ZBTB46: variants seen among roughly 807,000 people sequenced by gnomAD.
The protein encoded by ZBTB46 is zinc finger and BTB domain-containing protein 46.
A neutral mutation model predicts 44.1 loss-of-function variants in ZBTB46; 8 were observed. The observed-to-expected ratio is 0.18, with a 90% CI of 0.11 to 0.33. The LOEUF (loss-of-function observed/expected upper bound fraction) is 0.33. ZBTB46 is among the 10% of genes least tolerant of loss of function. ZBTB46 has a pLI of 1.00. For missense variants in ZBTB46, 651 were observed against 847.7 expected (o/e 0.77, Z 2.88); for synonymous variants, 409 against 382.3 (o/e 1.07, Z -0.81).
chr20:63,756,475 GTTCT>G lies in ZBTB46; in HGVS notation c.1223-3618_1223-3615del, dbSNP rs752611989. Among the ~76,000 whole-genome samples the G allele has an allele frequency of 4.6e-5, 7 of 152,302 alleles. 2 individuals carry two copies. The stretch of plus-strand genomic sequence containing the variant: ...TCCGAAAGGGATCCAAACATCAACT[GTTCT>G]TTGTTTTTTTGTTTACAAATGTATT... On this transcript the variant is annotated intron_variant, in intron 3 of 4. Transcript: ENST00000245663.
At chr20:63,793,953 G>A (rs1158257566) in intron 1 of ZBTB46, among the ~76,000 whole-genome samples, 5 of 152,240 alleles carry the variant, frequency 3.3e-5, no homozygotes, top group South Asian at 2.1e-4. Context: ...TTGGGAGGCC[G>A]AGGCGGGTGG....
At chr20:63,813,089 C>T (rs533128033) in intron 1 of ZBTB46, among the ~76,000 whole-genome samples, 8 of 148,478 alleles carry the variant, frequency 5.4e-5, no homozygotes, top group South Asian at 2.1e-4. Context: ...AGTGAGACTC[C>T]GTCTCAAAAA....
rs553656955 is a variant in ZBTB46, at chr20:63,773,583, A to G, written c.1222+2095T>C. 2.1e-3 allele frequency among the ~76,000 whole-genome samples: 318 copies of G among 152,186 alleles called. 1 individual carries two copies. Among genetic ancestry groups the G allele is most frequent in the African/African-American group, 7.4e-3 (308 of 41,520 alleles). Reference sequence around the variant, plus strand: ...AAACAGCACCCAAGCCCCTCATGTGAAAAGGCGCTCGGAGGGGAGGGTAGT... The same window carrying G: ...AAACAGCACCCAAGCCCCTCATGTGGAAAGGCGCTCGGAGGGGAGGGTAGT... On this transcript the variant is annotated intron_variant, in intron 3 of 4. Coordinates refer to ENST00000245663, the MANE Select transcript of ZBTB46 (RefSeq NM_001369741.1).
chr20:63,816,883 T>A (rs2092761883), intron 1 of ZBTB46, among the ~76,000 whole-genome samples: 1 of 152,038 alleles, frequency 6.6e-6, no homozygotes, highest in Non-Finnish European at 1.5e-5. Flanking sequence ...GGCGGGCAGA[T>A]CATCTGAGGT....
At chr20:63,769,836 G>C (rs148658924) in intron 3 of ZBTB46, among the ~76,000 whole-genome samples, 1 of 152,152 alleles carries the variant, frequency 6.6e-6, no homozygotes, top group Non-Finnish European at 1.5e-5. Context: ...ATACCACAGG[G>C]AAACAGTCTT....
At chr20:63,768,265 A>C in intron 3 of ZBTB46, 1 of 517,850 alleles carries the variant, frequency 1.9e-6, no homozygotes, top group Non-Finnish European at 2.5e-6. Context: ...CAAAATCCAA[A>C]ATGTGTGGTT....
chr20:63,823,281 G>A (rs1034165289), intron 1 of ZBTB46, among the ~76,000 whole-genome samples: 7 of 152,096 alleles, frequency 4.6e-5, no homozygotes, highest in Non-Finnish European at 8.8e-5. Flanking sequence ...GTGCACTCGC[G>A]CTCAGGAGTT....
chr20:63,780,718 T>C (rs73622892), intron 2 of ZBTB46, among the ~76,000 whole-genome samples: 3 of 146,618 alleles, frequency 2.0e-5, no homozygotes, highest in Non-Finnish European at 3.0e-5. Flanking sequence ...AGGAGAATGG[T>C]GTGAACCCAG....
At chr20:63,766,012 G>T (rs1426775844) in intron 3 of ZBTB46, among the ~76,000 whole-genome samples, 1 of 151,974 alleles carries the variant, frequency 6.6e-6, no homozygotes, top group East Asian at 1.9e-4. Context: ...CCCACCTGCT[G>T]CCCACCCTGG....
chr20:63,801,075 T>C (rs1215417725), intron 1 of ZBTB46, among the ~76,000 whole-genome samples: 2 of 152,224 alleles, frequency 1.3e-5, no homozygotes, highest in Non-Finnish European at 2.9e-5. Flanking sequence ...TGTGTCTAGC[T>C]CAAGGTTTGT....
chr20:63,752,926 C>A lies in ZBTB46; in HGVS notation c.1223-65G>T, dbSNP rs986317867. 6.7e-5 allele frequency: 101 copies of A among 1,513,462 alleles called. 1 individual carries two copies. The Admixed American group carries it at 1.8e-3, about 28-fold the overall frequency. The allele number at this position is 1,513,462 out of a possible 1,614,324, so 93.8% of individuals were successfully genotyped here. On this transcript the variant is annotated intron_variant, in intron 3 of 4. Coordinates refer to ENST00000245663, the MANE Select transcript of ZBTB46 (RefSeq NM_001369741.1). This position sits in a 1 kb window ranked among gnomAD's most constrained non-coding sequence, Gnocchi z 5.6. ...GATGTACCGCCCTGCGGCCCACAGACCACGGCTGCACGCCGCAGCCCAGCA... is the reference window on the plus strand; with the variant it reads ...GATGTACCGCCCTGCGGCCCACAGAACACGGCTGCACGCCGCAGCCCAGCA...
chr20:63,797,061 G>C (rs2092609279), intron 1 of ZBTB46, among the ~76,000 whole-genome samples: 1 of 152,036 alleles, frequency 6.6e-6, no homozygotes, highest in Non-Finnish European at 1.5e-5. Context: ...ACAACGTGCA[G>C]GTTTGTTACA....
chr20:63,784,757 A>G (rs921185744), intron 2 of ZBTB46, among the ~76,000 whole-genome samples: 1 of 152,224 alleles, frequency 6.6e-6, no homozygotes, highest in South Asian at 2.1e-4. Context: ...CTCAGAAATA[A>G]ATTTCAAGGG....
upstream of ZBTB46, among the ~76,000 whole-genome samples, chr20:63,832,769 AG>A (rs1360018553): frequency 6.6e-6 from 1 of 151,898 alleles, no homozygotes; most frequent in Admixed American, 6.5e-5. This position sits in a 1 kb window ranked among gnomAD's most constrained non-coding sequence, Gnocchi z 5.0. Flanking sequence ...CTGAAACTGT[AG>A]CCCCAGCCTC....
intron 2 of ZBTB46, among the ~76,000 whole-genome samples, chr20:63,781,522 G>T (rs1423144584): frequency 6.6e-6 from 1 of 152,206 alleles, no homozygotes; most frequent in African/African-American, 2.4e-5. Flanking sequence ...CAGGTGTGGC[G>T]TCTCACGTCT....
At position 63,793,520 on chromosome 20, in the gene ZBTB46, A is replaced by T. The variant is rs917101408; in HGVS notation, c.-33-2730T>A. 3.3e-5 allele frequency among the ~76,000 whole-genome samples: 5 copies of T among 152,140 alleles called. No homozygotes were observed. In the East Asian group the frequency reaches 7.7e-4, roughly 23 times the overall value. On this transcript the variant is annotated intron_variant, in intron 1 of 4. Transcript: ENST00000245663. ...ATGGGAACCGTCAAAAGCTCCAGGC[A>T]CCCTGTATCCAGGCTAGGAAGCTGA...
At chr20:63,747,345 G>A (rs1460300780) in intron 4 of ZBTB46, 44 bp from the exon 5 acceptor site, 14 of 1,197,918 alleles carry the variant, frequency 1.2e-5, no homozygotes, top group African/African-American at 8.2e-5. Context: ...GGTGGGTTGG[G>A]GGGCGGGGCA....
intron 1 of ZBTB46, among the ~76,000 whole-genome samples, chr20:63,791,645 C>A (rs1486096701): frequency 6.6e-6 from 1 of 152,190 alleles, no homozygotes; most frequent in Non-Finnish European, 1.5e-5. Flanking sequence ...CTGGCTTAGG[C>A]CTGGGTCCCT....
upstream of ZBTB46, among the ~76,000 whole-genome samples, chr20:63,831,998 C>T (rs913601200): frequency 5.3e-5 from 8 of 152,024 alleles, no homozygotes; most frequent in Non-Finnish European, 8.8e-5. Context: ...GGGCGCAGGC[C>T]TCGTGGGGGT....
Sources: gnomAD v4.1 joint callset for allele counts (sites outside exome capture counted in the v4.1 genomes callset) on GRCh38, gnomAD v4.1.1 for gene constraint, Gnocchi (gnomAD v3.1) non-coding constraint, MANE v1.5 for transcripts, NCBI Gene and HGNC (gene_info 2026-07-23, HGNC 2026-07-21) for gene names.